ART1: variants seen among roughly 807,000 people sequenced by gnomAD.
The protein encoded by ART1 is GPI-linked NAD(P)(+)--arginine ADP-ribosyltransferase 1.
Under a neutral mutation model 27.0 loss-of-function variants are expected in ART1, and 29 were observed. The observed-to-expected ratio is 1.08, with a 90% CI of 0.80 to 1.47. The LOEUF is 1.47. ART1 is among the 40% of genes most tolerant of loss of function. ART1 has a pLI of 0.00. For synonymous variants in ART1, 201 were observed against 172.2 expected, an observed-to-expected ratio of 1.17 and a Z score of -1.31; for missense variants, 480 against 423.0, an observed-to-expected ratio of 1.13 and a Z score of -1.18.
At chr11:3,655,167 T>C (rs1282885394) in intron 1 of ART1, among the ~76,000 whole-genome samples, 1 of 152,194 alleles carries the variant, frequency 6.6e-6, no homozygotes, top group Admixed American at 6.5e-5. Context: ...GGTCTGTTCC[T>C]CACGTGTTCA....
At chr11:3,648,174 T>C (rs978386005) in intron 1 of ART1, among the ~76,000 whole-genome samples, 1 of 152,168 alleles carries the variant, frequency 6.6e-6, no homozygotes, top group South Asian at 2.1e-4. Context: ...ACCCAAATCC[T>C]ATAAAACGGC....
chr11:3,653,689 C>G (rs1412862877), intron 1 of ART1, among the ~76,000 whole-genome samples: 10 of 152,118 alleles, frequency 6.6e-5, no homozygotes, highest in Admixed American at 5.9e-4. Flanking sequence ...CTCTGTGTTT[C>G]TAGTTTAAAG....
chr11:3,657,824 T>C (rs2077586402), intron 1 of ART1, among the ~76,000 whole-genome samples: 1 of 152,178 alleles, frequency 6.6e-6, no homozygotes. Context: ...TTCACTGTAG[T>C]ATTATGTATA....
chr11:3,649,680 T>G (rs892170807), intron 1 of ART1, among the ~76,000 whole-genome samples: 7 of 152,098 alleles, frequency 4.6e-5, no homozygotes, highest in African/African-American at 1.7e-4. Context: ...CCCGGTCTGG[T>G]TTACCATTTC....
intron 1 of ART1, among the ~76,000 whole-genome samples, chr11:3,658,207 C>T (rs1443443486): frequency 6.6e-6 from 1 of 151,816 alleles, no homozygotes; most frequent in East Asian, 1.9e-4. Context: ...GAGGCGGGCA[C>T]CTCTAGTCCC....
At chr11:3,648,720 G>C (rs2077489495) in intron 1 of ART1, among the ~76,000 whole-genome samples, 1 of 152,208 alleles carries the variant, frequency 6.6e-6, no homozygotes, top group East Asian at 1.9e-4. Flanking sequence ...AGAGGTGTCA[G>C]ATCATGCAGG....
chr11:3,650,581 G>A (rs897995979), intron 1 of ART1, among the ~76,000 whole-genome samples: 1 of 152,062 alleles, frequency 6.6e-6, no homozygotes, highest in Non-Finnish European at 1.5e-5. Context: ...TAACTGTTGT[G>A]GGTATTGACA....
chr11:3,653,297 G>A (rs867298283), intron 1 of ART1, among the ~76,000 whole-genome samples: 2 of 148,488 alleles, frequency 1.3e-5, no homozygotes, highest in African/African-American at 5.2e-5. Context: ...CCAGATGGCC[G>A]GTTCCTGCCT....
chr11:3,650,836 A>G (rs1207549555), intron 1 of ART1, among the ~76,000 whole-genome samples: 1 of 129,754 alleles, frequency 7.7e-6, no homozygotes, highest in Non-Finnish European at 1.7e-5. Context: ...ATCCACAAGT[A>G]TAAGGCACCT....
chr11:3,649,714 C>A (rs1016102756), intron 1 of ART1, among the ~76,000 whole-genome samples: 1 of 152,184 alleles, frequency 6.6e-6, no homozygotes, highest in Non-Finnish European at 1.5e-5. Flanking sequence ...CCCTCCCCAA[C>A]CTGCCCAGCA....
chr11:3,646,308 G>T (rs918978436), intron 1 of ART1, among the ~76,000 whole-genome samples: 3 of 152,088 alleles, frequency 2.0e-5, no homozygotes, highest in African/African-American at 4.8e-5. Flanking sequence ...AGGGCAGGGG[G>T]TGTGGATGTT....
At chr11:3,650,701 CAG>C (rs1050963159) in intron 1 of ART1, among the ~76,000 whole-genome samples, 3 of 152,066 alleles carry the variant, frequency 2.0e-5, no homozygotes, top group Non-Finnish European at 4.4e-5. Context: ...CCTTATTAGG[CAG>C]AGACACTTTA....
intron 4 of ART1, among the ~76,000 whole-genome samples, chr11:3,662,692 A>G (rs1490963726): frequency 2.0e-5 from 3 of 152,166 alleles, no homozygotes; most frequent in Non-Finnish European, 2.9e-5. Context: ...TAAAAATACA[A>G]AATTAGCCGG....
At chr11:3,657,723 AT>A (rs1205595196) in intron 1 of ART1, among the ~76,000 whole-genome samples, 2 of 152,246 alleles carry the variant, frequency 1.3e-5, no homozygotes, top group Non-Finnish European at 2.9e-5. Context: ...AAAATAAAAA[AT>A]ATTCATATTC....
intron 1 of ART1, among the ~76,000 whole-genome samples, chr11:3,650,023 C>A (rs2133948641): frequency 6.6e-6 from 1 of 152,302 alleles, no homozygotes; most frequent in Middle Eastern, 3.4e-3. Flanking sequence ...ACTTAATTAA[C>A]CTCACCTTCA....
intron 2 of ART1, 101 bp downstream of exon 2, chr11:3,659,377 G>T: frequency 1.3e-6 from 2 of 1,538,416 alleles, no homozygotes; most frequent in Non-Finnish European, 8.9e-7. Flanking sequence ...AATGCCCGAC[G>T]CTTCCCCTGG....
chr11:3,656,988 T>C (rs530588977), intron 1 of ART1, among the ~76,000 whole-genome samples: 16 of 152,328 alleles, frequency 1.1e-4, no homozygotes, highest in Non-Finnish European at 2.1e-4. Flanking sequence ...ATTTAAATTG[T>C]GTATTGGCAA....
At position 3,659,270 on chromosome 11, in the gene ART1, A is replaced by C. The variant is rs2077598543; in HGVS notation, c.57A>C (p.Ala19=). The C allele has an allele frequency of 1.2e-6, 2 of 1,613,992 alleles. No homozygotes were observed. Among genetic ancestry groups the C allele is most frequent in the African/African-American group, 2.7e-5 (2 of 74,898 alleles). Residue 19 remains alanine, a synonymous_variant, in exon 2 of 5, where the codon GCA becomes GCC. Transcript: ENST00000250693. ...TTGTGTCTGTGGGCCTCATGGAAGC[A>C]CTTCAGGTATGGGCATCCCCCACTG... is the stretch of plus-strand genomic sequence containing the variant. ...LLLVSVGLME[A]LQAQSHPITR... is the part of the protein sequence containing the mutation.
At chr11:3,645,757 G>T (rs1387901629) in intron 1 of ART1, among the ~76,000 whole-genome samples, 5 of 152,186 alleles carry the variant, frequency 3.3e-5, no homozygotes, top group Non-Finnish European at 7.3e-5. Context: ...GTGTGATAAG[G>T]ACAGTGACAG....
Sources: allele counts gnomAD v4.1 joint callset (sites outside exome capture counted in the v4.1 genomes callset), GRCh38; gene constraint gnomAD v4.1.1; transcripts MANE v1.5; gene names NCBI Gene and HGNC (gene_info 2026-07-23, HGNC 2026-07-21).